CHODL: variants seen among roughly 807,000 people sequenced by gnomAD.
CHODL encodes transmembrane protein MT75.
CHODL carries 29 observed loss-of-function variants against 34.5 expected under a neutral mutation model. That is an observed-to-expected ratio of 0.84 (90% CI 0.63 to 1.15). CHODL has a LOEUF of 1.15. CHODL is among the 50% of genes most tolerant of loss of function. The pLI is 0.00. For synonymous variants in CHODL, 125 were observed against 116.1 expected, an observed-to-expected ratio of 1.08 and a Z score of -0.49; for missense variants, 332 against 332.5, an observed-to-expected ratio of 1.00 and a Z score of 0.01.
At chr21:18,138,273 C>G (rs973757830) in intron 2 of CHODL, among the ~76,000 whole-genome samples, 1 of 151,374 alleles carries the variant, frequency 6.6e-6, no homozygotes, top group Non-Finnish European at 1.5e-5. Context: ...CATATTTAAG[C>G]CAAAATTGGG....
intron 1 of CHODL, among the ~76,000 whole-genome samples, chr21:17,987,173 T>G (rs571924097): frequency 6.6e-6 from 1 of 152,272 alleles, no homozygotes; most frequent in South Asian, 2.1e-4. Flanking sequence ...CTATTAATTT[T>G]TCTTCCCACT....
chr21:17,981,241 G>T (rs2063711636), intron 1 of CHODL, among the ~76,000 whole-genome samples: 1 of 152,162 alleles, frequency 6.6e-6, no homozygotes, highest in South Asian at 2.1e-4. Context: ...TGTAGGTGCT[G>T]CTAGAAGGAA....
At chr21:18,119,449 G>A (rs980720146) in intron 2 of CHODL, among the ~76,000 whole-genome samples, 2 of 152,120 alleles carry the variant, frequency 1.3e-5, no homozygotes, top group Non-Finnish European at 2.9e-5. Context: ...TGTTCACAGT[G>A]CTAACCGTGG....
chr21:18,061,910 A>G (rs1367373111), intron 2 of CHODL, among the ~76,000 whole-genome samples: 1 of 152,212 alleles, frequency 6.6e-6, no homozygotes, highest in Non-Finnish European at 1.5e-5. Flanking sequence ...AATGACAAAG[A>G]TACAGTGTTT....
chr21:18,155,455 G>A (rs1165226281), intron 2 of CHODL, among the ~76,000 whole-genome samples: 2 of 152,166 alleles, frequency 1.3e-5, no homozygotes, highest in Non-Finnish European at 1.5e-5. Context: ...GGTGCAACAG[G>A]CCTACAGTGA....
chr21:18,010,170 C>G (rs1742817324), intron 1 of CHODL, among the ~76,000 whole-genome samples: 1 of 133,322 alleles, frequency 7.5e-6, no homozygotes, highest in South Asian at 2.5e-4. Flanking sequence ...TGGTGGCGGG[C>G]CCTGTAGTCC....
chr21:18,211,638 A>G (rs1339940297), intron 2 of CHODL, among the ~76,000 whole-genome samples: 1 of 152,182 alleles, frequency 6.6e-6, no homozygotes, highest in African/African-American at 2.4e-5. Flanking sequence ...ACTATCTTTC[A>G]CATTTACTTT....
intron 1 of CHODL, among the ~76,000 whole-genome samples, chr21:17,953,952 T>C (rs1437438440): frequency 1.3e-5 from 2 of 152,048 alleles, no homozygotes; most frequent in Non-Finnish European, 2.9e-5. Flanking sequence ...GGAGGTTGCA[T>C]GAGCTGAGAC....
At chr21:18,074,496 T>C (rs1181680472) in intron 2 of CHODL, among the ~76,000 whole-genome samples, 1 of 152,146 alleles carries the variant, frequency 6.6e-6, no homozygotes. Flanking sequence ...TATCGAGACA[T>C]TGCTATAAAG....
intron 1 of CHODL, among the ~76,000 whole-genome samples, chr21:18,016,254 C>G (rs534350279): frequency 6.6e-6 from 1 of 152,208 alleles, no homozygotes; most frequent in South Asian, 2.1e-4. Context: ...GACATGGCAC[C>G]CTGCATCCTA....
intron 1 of CHODL, among the ~76,000 whole-genome samples, chr21:17,945,957 C>T (rs140024963): frequency 9.9e-4 from 150 of 151,702 alleles, no homozygotes; most frequent in African/African-American, 3.6e-3. Flanking sequence ...ATTCAAAGTG[C>T]TGAATGAAAA....
At chr21:18,062,709 T>C (rs1439252743) in intron 2 of CHODL, among the ~76,000 whole-genome samples, 1 of 152,054 alleles carries the variant, frequency 6.6e-6, no homozygotes, top group Non-Finnish European at 1.5e-5. Flanking sequence ...GAGGTTGCAG[T>C]GAGCCGAGAT....
chr21:18,171,198 G>GTTC lies in CHODL; in HGVS notation c.-44-85309_-44-85308insCTT, dbSNP rs1333481522. On this transcript the variant is annotated intron_variant, in intron 2 of 6. Coordinates refer to the CHODL transcript ENST00000400127. The stretch of plus-strand genomic sequence containing the variant: ...TGTTCTTCAGACATGGTTTTCTTTA[G>GTTC]TTTTTTTTTTTTTTTTTTTGAGACG... Among the ~76,000 whole-genome samples, 4 of 37,082 alleles carry GTTC rather than the reference G, an allele frequency of 1.1e-4. 2 individuals are homozygous for GTTC. The highest frequency in any genetic ancestry group is 5.8e-4 in the African/African-American group (4 of 6,942). 24.3% of individuals were successfully genotyped at this position (37,082 alleles called of 152,430 possible). A position where few individuals can be genotyped will look rare whatever the true frequency, so the allele number is the denominator to read the frequency against.
At chr21:18,022,167 C>T (rs1357109985) in intron 1 of CHODL, among the ~76,000 whole-genome samples, 2 of 152,174 alleles carry the variant, frequency 1.3e-5, no homozygotes, top group African/African-American at 2.4e-5. Flanking sequence ...CACATTTTTA[C>T]AGGCTAGAAT....
Position 18,266,122 on chromosome 21 carries a change from A to AAAT in CHODL, c.*85_*87dup. 6.2e-7 allele frequency: 1 copy of AAAT among 1,609,742 alleles called. No homozygotes were observed. The highest frequency in any genetic ancestry group is 8.5e-7 in the Non-Finnish European group (1 of 1,177,274). On this transcript the variant is annotated 3_prime_UTR_variant, in exon 6 of 6. Coordinates refer to ENST00000299295, the MANE Select transcript of CHODL (RefSeq NM_024944.3). ...CAGAACAATAGCTTGGAATGGCTTG[A>AAAT]AATCACAAAGGATCTGCAAGATGAA...
intron 2 of CHODL, among the ~76,000 whole-genome samples, chr21:18,169,149 T>C (rs2073194775): frequency 6.6e-6 from 1 of 152,152 alleles, no homozygotes; most frequent in Admixed American, 6.5e-5. Context: ...TCAAAGGCTG[T>C]GCTTTTCTTT....
At chr21:18,216,895 C>G (rs1450290179) in intron 2 of CHODL, among the ~76,000 whole-genome samples, 3 of 152,124 alleles carry the variant, frequency 2.0e-5, no homozygotes, top group African/African-American at 4.8e-5. Context: ...GATCCCATCA[C>G]CTCCCAACAG....
intron 1 of CHODL, among the ~76,000 whole-genome samples, chr21:17,951,594 A>T (rs2063458241): frequency 6.6e-6 from 1 of 152,220 alleles, no homozygotes; most frequent in African/African-American, 2.4e-5. Flanking sequence ...TAGCTATATT[A>T]AAAAATTCAT....
At chr21:18,186,103 C>G (rs2073438046) in intron 2 of CHODL, among the ~76,000 whole-genome samples, 1 of 152,136 alleles carries the variant, frequency 6.6e-6, no homozygotes, top group Non-Finnish European at 1.5e-5. Context: ...ACACAACATC[C>G]ATTTCTTTCT....
Sources: gnomAD v4.1 joint callset for allele counts (sites outside exome capture counted in the v4.1 genomes callset) on GRCh38, gnomAD v4.1.1 for gene constraint, MANE v1.5 for transcripts, NCBI Gene and HGNC (gene_info 2026-07-23, HGNC 2026-07-21) for gene names.